NT5E: variants seen among roughly 807,000 people sequenced by gnomAD.
The protein encoded by NT5E is 5'-nucleotidase.
NT5E carries 53 observed loss-of-function variants against 55.1 expected under a neutral mutation model. That is an observed-to-expected ratio of 0.96 (90% CI 0.77 to 1.21). The LOEUF (loss-of-function observed/expected upper bound fraction) is 1.21, where lower values mean the gene tolerates loss of function less well. NT5E is among the 50% of genes most tolerant of loss of function. The pLI, the probability that NT5E is intolerant of heterozygous loss-of-function variation, is 0.00. For missense variants in NT5E, 683 were observed against 724.3 expected, an observed-to-expected ratio of 0.94 and a Z score of 0.65; for synonymous variants, 270 against 278.4, an observed-to-expected ratio of 0.97 and a Z score of 0.30.
At chr6:85,483,693 G>C (rs951611466) in intron 3 of NT5E, among the ~76,000 whole-genome samples, 1 of 152,174 alleles carries the variant, frequency 6.6e-6, no homozygotes, top group Non-Finnish European at 1.5e-5. Flanking sequence ...GAGCTGAAAG[G>C]GGGGCTGCTC....
intron 2 of NT5E, among the ~76,000 whole-genome samples, 158 bp downstream of exon 2, chr6:85,467,440 TG>T (rs1267030207): frequency 6.6e-6 from 1 of 152,258 alleles, no homozygotes; most frequent in African/African-American, 2.4e-5. Context: ...TCTATGCTGT[TG>T]TTCCAAGGTA....
intron 3 of NT5E, among the ~76,000 whole-genome samples, chr6:85,473,816 A>G (rs745438984): frequency 1.2e-4 from 19 of 152,234 alleles, no homozygotes; most frequent in Non-Finnish European, 2.4e-4. Context: ...CGTGACCAAA[A>G]TAATGCATGA....
At chr6:85,463,135 G>C (rs1470424528) in intron 1 of NT5E, among the ~76,000 whole-genome samples, 2 of 152,128 alleles carry the variant, frequency 1.3e-5, no homozygotes, top group East Asian at 3.8e-4. Flanking sequence ...GGGGTGAGGA[G>C]CTGGGGGTGG....
At chr6:85,483,236 A>T (rs1769584393) in intron 3 of NT5E, among the ~76,000 whole-genome samples, 1 of 152,244 alleles carries the variant, frequency 6.6e-6, no homozygotes, top group African/African-American at 2.4e-5. Context: ...ATCTGCAACT[A>T]GTGCTTTCTC....
intron 1 of NT5E, among the ~76,000 whole-genome samples, chr6:85,465,707 T>C (rs1408591020): frequency 6.6e-6 from 1 of 152,092 alleles, no homozygotes; most frequent in Non-Finnish European, 1.5e-5. Flanking sequence ...AGGTACTCAG[T>C]GAATGCCTGC....
rs539108326 is a variant in NT5E, at chr6:85,481,012, T to G, written c.752-4223T>G. ...TTGAGGACACTGAATTGAGGGGACC[T>G]GGGGTAAAGGGCTGGCACTCAGGCA... On this transcript the variant is annotated intron_variant, in intron 3 of 8. Coordinates refer to ENST00000257770, the MANE Select transcript of NT5E (RefSeq NM_002526.4). Among the ~76,000 whole-genome samples, 11 of 152,236 alleles carry G rather than the reference T, an allele frequency of 7.2e-5. No homozygotes were observed. The South Asian group carries it at 2.1e-3, about 29-fold the overall frequency.
At chr6:85,485,933 T>G (rs569803279) in intron 4 of NT5E, among the ~76,000 whole-genome samples, 1 of 152,304 alleles carries the variant, frequency 6.6e-6, no homozygotes, top group South Asian at 2.1e-4. Flanking sequence ...GCTCTCTCTT[T>G]GTTCCTAGGC....
At chr6:85,490,197 C>T (rs1484516790) in intron 6 of NT5E, among the ~76,000 whole-genome samples, 2 of 152,156 alleles carry the variant, frequency 1.3e-5, no homozygotes, top group African/African-American at 2.4e-5. Context: ...TCTGGAGGAA[C>T]GGAACAATGC....
At chr6:85,475,426 T>C (rs1306990084) in intron 3 of NT5E, among the ~76,000 whole-genome samples, 1 of 152,218 alleles carries the variant, frequency 6.6e-6, no homozygotes, top group African/African-American at 2.4e-5. Flanking sequence ...CCAAGTACCA[T>C]GCATATGCAG....
chr6:85,491,337 C>A (rs188702059), intron 7 of NT5E: 1 of 338,404 alleles, frequency 3.0e-6, no homozygotes, highest in Non-Finnish European at 5.8e-6. Flanking sequence ...CATAATCTGG[C>A]CTCATTTTTT....
chr6:85,484,236 G>A (rs1769605030), intron 3 of NT5E, among the ~76,000 whole-genome samples: 1 of 152,188 alleles, frequency 6.6e-6, no homozygotes. Context: ...GGGGTCAAAT[G>A]AATCTGTCCC....
At chr6:85,491,554 G>C (rs373729365) in intron 7 of NT5E, among the ~76,000 whole-genome samples, 5 of 152,336 alleles carry the variant, frequency 3.3e-5, no homozygotes, top group African/African-American at 1.2e-4. Flanking sequence ...GCACTGCATA[G>C]CTCTATGCCT....
chr6:85,472,364 G>T (rs1447451104), intron 3 of NT5E, among the ~76,000 whole-genome samples: 2 of 152,048 alleles, frequency 1.3e-5, no homozygotes, highest in East Asian at 3.8e-4. Context: ...ACATTAAAAG[G>T]GATTATCACT....
At chr6:85,460,272 A>G (rs1769067735) in intron 1 of NT5E, among the ~76,000 whole-genome samples, 2 of 152,160 alleles carry the variant, frequency 1.3e-5, no homozygotes, top group Admixed American at 6.5e-5. Context: ...GAGAGAAGTC[A>G]ATTGATTTAG....
In NT5E at chr6:85,467,171, G is replaced by C. The variant is rs762510191; in HGVS notation, c.451G>C (p.Ala151Pro). The change falls in exon 2 of 9, where the codon GCA becomes CCA. Residue 151 changes from alanine to proline, a missense_variant. Ala to Pro is a conservative substitution (Grantham distance 27). Coordinates refer to ENST00000257770, the MANE Select transcript of NT5E (RefSeq NM_002526.4). ...SANIKAKGPL[A>P]SQISGLYLPY... ...AAACATTAAAGCAAAGGGGCCACTA[G>C]CATCTCAAATATCAGGACTTTATTT... The C allele has an allele frequency of 3.1e-5, 50 of 1,614,140 alleles. No individual in the cohort carries two copies. The South Asian group carries it at 4.4e-4, about 14-fold the overall frequency.
chr6:85,475,541 T>C (rs117408427), intron 3 of NT5E, among the ~76,000 whole-genome samples: 128 of 152,314 alleles, frequency 8.4e-4, no homozygotes, highest in Admixed American at 3.3e-3. Context: ...AGAGCTAAAA[T>C]GCAAACGCTT....
rs1769297302 is a variant in NT5E, at chr6:85,471,240, C to A, written c.566C>A (p.Thr189Lys). Reference sequence around the variant, plus strand: ...TTTTATTTATTTTGTTCCTTAGGGACAAATTTAGTGTTTGAAGATGAAATC... The same window carrying A: ...TTTTATTTATTTTGTTCCTTAGGGAAAAATTTAGTGTTTGAAGATGAAATC... ...KETPFLSNPG[T>K]NLVFEDEITA... Residue 189 changes from threonine to lysine, a missense_variant, in exon 3 of 9, where the codon ACA (threonine) becomes AAA (lysine). Transcript: ENST00000257770. 2 of 1,602,940 alleles carry A rather than the reference C, an allele frequency of 1.2e-6. No individual in the cohort carries two copies. Among genetic ancestry groups the A allele is most frequent in the Middle Eastern group, 1.7e-4 (1 of 6,020 alleles).
intron 4 of NT5E, 73 bp from the exon 5 acceptor site, chr6:85,487,262 T>C (rs965946248): frequency 1.6e-6 from 2 of 1,289,634 alleles, no homozygotes; most frequent in African/African-American, 1.5e-5. Context: ...AGATAGATGA[T>C]GTTTCATTCC....
intron 3 of NT5E, among the ~76,000 whole-genome samples, chr6:85,479,020 A>G (rs1049271435): frequency 5.3e-5 from 8 of 152,160 alleles, no homozygotes; most frequent in African/African-American, 1.9e-4. Context: ...TATATTGGTC[A>G]TAAGGCGGTA....
Sources: gnomAD v4.1 joint callset for allele counts (sites outside exome capture counted in the v4.1 genomes callset) on GRCh38, gnomAD v4.1.1 for gene constraint, MANE v1.5 for transcripts, NCBI Gene and HGNC (gene_info 2026-07-23, HGNC 2026-07-21) for gene names.